ANKS1A: variants seen among roughly 807,000 people sequenced by gnomAD.
ANKS1A encodes the protein ankyrin repeat and sterile alpha motif domain containing 1A.
A neutral mutation model predicts 120.3 loss-of-function variants in ANKS1A; 55 were observed. The observed-to-expected ratio is 0.46, with a 90% CI of 0.37 to 0.57. ANKS1A has a LOEUF of 0.57. Ranked by LOEUF, ANKS1A falls within the 20% of genes least tolerant of loss-of-function variation. The pLI is 0.00. For missense variants in ANKS1A, 1,123 were observed against 1,480.3 expected (o/e 0.76, Z 3.96); for synonymous variants, 590 against 604.7 (o/e 0.98, Z 0.36).
chr6:35,090,365 A>G lies in ANKS1A; in HGVS notation c.*1756A>G, dbSNP rs1322658875. The stretch of plus-strand genomic sequence containing the variant: ...ACATGCTGGTGCCCGTCTTCCTCCT[A>G]AGGGGCCAGGCCACATCCAAGTGGG... On this transcript the variant is annotated 3_prime_UTR_variant, in exon 24 of 24. Transcript: ENST00000360359. The G allele has an allele frequency of 7.9e-7, 1 of 1,260,358 alleles. No individual in the cohort carries two copies. The highest frequency in any genetic ancestry group is 1.0e-6 in the Non-Finnish European group (1 of 972,556). 78.1% of individuals were successfully genotyped at this position (1,260,358 alleles called of 1,614,324 possible).
intron 10 of ANKS1A, among the ~76,000 whole-genome samples, chr6:35,003,772 A>T (rs1215047361): frequency 2.0e-5 from 3 of 152,238 alleles, no homozygotes. Context: ...AGTGGCGAAA[A>T]TAAGAGTGAG....
chr6:34,954,570 G>T (rs567843340), intron 1 of ANKS1A, among the ~76,000 whole-genome samples: 3 of 152,212 alleles, frequency 2.0e-5, no homozygotes, highest in African/African-American at 7.2e-5. Flanking sequence ...CTTGTGTCAC[G>T]TGTGCAATTA....
At chr6:35,088,507 G>A in intron 23 of ANKS1A, 99 bp from the exon 24 acceptor site, 3 of 1,504,146 alleles carry the variant, frequency 2.0e-6, no homozygotes, top group Non-Finnish European at 1.9e-6. Context: ...GGCTGTGAGG[G>A]ATCGTCTGTC....
At chr6:35,033,384 A>G (rs984303273) in intron 11 of ANKS1A, among the ~76,000 whole-genome samples, 8 of 152,232 alleles carry the variant, frequency 5.3e-5, no homozygotes, top group Admixed American at 1.3e-4. Context: ...TTAATAGAGC[A>G]GAGAGTTCAC....
chr6:35,048,428 G>A (rs888229881), intron 11 of ANKS1A, among the ~76,000 whole-genome samples: 4 of 152,122 alleles, frequency 2.6e-5, no homozygotes, highest in African/African-American at 9.7e-5. Context: ...CCCTGAGCCC[G>A]CTGGCAGATA....
At chr6:34,951,832 A>G (rs1006630735) in intron 1 of ANKS1A, among the ~76,000 whole-genome samples, 1 of 152,108 alleles carries the variant, frequency 6.6e-6, no homozygotes, top group Non-Finnish European at 1.5e-5. Flanking sequence ...TCAGTTAACT[A>G]CCTCTACTCA....
chr6:35,067,712 T>C (rs746212235), intron 13 of ANKS1A, among the ~76,000 whole-genome samples: 12 of 152,144 alleles, frequency 7.9e-5, no homozygotes, highest in Non-Finnish European at 1.3e-4. Flanking sequence ...GAAGTTTTTT[T>C]TCCTAATATA....
chr6:35,042,312 C>T (rs1775499868), intron 11 of ANKS1A, among the ~76,000 whole-genome samples: 1 of 152,192 alleles, frequency 6.6e-6, no homozygotes, highest in Admixed American at 6.5e-5. Context: ...CACACATTTG[C>T]TGGGTTAGCC....
chr6:34,942,017 C>T (rs191693006), intron 1 of ANKS1A, among the ~76,000 whole-genome samples: 123 of 152,300 alleles, frequency 8.1e-4, no homozygotes, highest in African/African-American at 2.3e-3. Context: ...GTATTAGATT[C>T]GAAGTAACAT....
At chr6:35,059,004 G>C (rs1268635049) in intron 12 of ANKS1A, among the ~76,000 whole-genome samples, 1 of 152,228 alleles carries the variant, frequency 6.6e-6, no homozygotes, top group Non-Finnish European at 1.5e-5. Context: ...AGCGCAGGAC[G>C]TGAATAGACT....
chr6:34,910,829 C>T (rs1436907461), intron 1 of ANKS1A, among the ~76,000 whole-genome samples: 2 of 149,486 alleles, frequency 1.3e-5, no homozygotes, highest in Non-Finnish European at 3.0e-5. Context: ...CCACTGCACT[C>T]CAGCCTGGGT....
chr6:35,039,572 A>G (rs747204436), intron 11 of ANKS1A: 28 of 456,454 alleles, frequency 6.1e-5, no homozygotes, highest in South Asian at 1.9e-4. Flanking sequence ...CCTCCCAGTT[A>G]GGAAGGAAAA....
At chr6:34,948,761 C>T (rs569927729) in intron 1 of ANKS1A, among the ~76,000 whole-genome samples, 6 of 152,118 alleles carry the variant, frequency 3.9e-5, no homozygotes, top group Non-Finnish European at 7.4e-5. Context: ...GAAAAGTAAA[C>T]AAAACAATTG....
chr6:34,932,341 G>A (rs933335056), intron 1 of ANKS1A, among the ~76,000 whole-genome samples: 3 of 151,904 alleles, frequency 2.0e-5, no homozygotes, highest in East Asian at 1.9e-4. Context: ...ACCCACCACC[G>A]CCCCTGGCTA....
intron 10 of ANKS1A, among the ~76,000 whole-genome samples, chr6:35,016,316 T>A (rs1774002087): frequency 6.6e-6 from 1 of 152,200 alleles, no homozygotes; most frequent in African/African-American, 2.4e-5. Flanking sequence ...CATGAATAGT[T>A]CTTGAGAGTT....
chr6:34,900,491 A>G (rs1014381781), intron 1 of ANKS1A, among the ~76,000 whole-genome samples: 2 of 151,860 alleles, frequency 1.3e-5, no homozygotes, highest in Non-Finnish European at 1.5e-5. Context: ...GGGTCTCACT[A>G]TGTTGCCCAG....
chr6:34,925,181 T>C (rs1405753012), intron 1 of ANKS1A, among the ~76,000 whole-genome samples: 1 of 152,236 alleles, frequency 6.6e-6, no homozygotes, highest in East Asian at 1.9e-4. Context: ...TTTGACTATC[T>C]TAGTAGGCTT....
chr6:34,935,659 A>G (rs1324001648), intron 1 of ANKS1A, among the ~76,000 whole-genome samples: 1 of 152,244 alleles, frequency 6.6e-6, no homozygotes, highest in Non-Finnish European at 1.5e-5. Context: ...GATAAAATAC[A>G]CAACAGCTTT....
Position 35,060,348 on chromosome 6 carries a change from T to A in ANKS1A, c.2184+95T>A. 1 of 1,066,762 alleles carries A rather than the reference T, an allele frequency of 9.4e-7. No individual in the cohort carries two copies. Among genetic ancestry groups the A allele is most frequent in the Non-Finnish European group, 1.4e-6 (1 of 723,012 alleles). 66.1% of individuals were successfully genotyped at this position (1,066,762 alleles called of 1,614,324 possible). On this transcript the variant is annotated intron_variant, in intron 13 of 23. Transcript: ENST00000360359. The surrounding 1 kb of genome is among the most constrained non-coding windows in gnomAD (Gnocchi z 4.5). ...CTGGCCCCACAGGAGTCTGCAACAG[T>A]ACGTAGACCCAAATCCCAGGGAAAG...
Sources: allele counts gnomAD v4.1 joint callset (sites outside exome capture counted in the v4.1 genomes callset), GRCh38; gene constraint gnomAD v4.1.1; non-coding constraint Gnocchi (gnomAD v3.1); transcripts MANE v1.5; gene names NCBI Gene and HGNC (gene_info 2026-07-23, HGNC 2026-07-21).